The following TRHDE variants were observed in gnomAD, a reference collection of about 807,000 sequenced individuals.
TRHDE encodes thyrotropin-releasing hormone-degrading ectoenzyme.
A neutral mutation model predicts 125.7 loss-of-function variants in TRHDE; 72 were observed. The ratio of observed to expected loss-of-function variants is 0.57; its 90% CI spans 0.47 to 0.70. TRHDE has a LOEUF of 0.70. Among genes scored for constraint, TRHDE ranks in the 30% least tolerant of loss-of-function variants. The probability of loss-of-function intolerance (pLI) is 0.00; values close to 1 mark genes in which losing one functional copy is unlikely to be tolerated. For synonymous variants in TRHDE, 509 were observed against 509.1 expected (o/e 1.00, Z 0.00); for missense variants, 1,110 against 1,327.1 (o/e 0.84, Z 2.54).
rs576764918 is a variant in TRHDE, at chr12:72,095,345, A to G, written n.174+7906A>G. 1.5e-4 allele frequency among the ~76,000 whole-genome samples: 23 copies of G among 152,338 alleles called. No homozygotes were observed. The South Asian group carries it at 3.3e-3, about 22-fold the overall frequency. Reference sequence around the variant, plus strand: ...AATATCCAATTTGGCATTTGAAGCAAGTGTTATAAATATAGACTGTAGAGA... The same window carrying G: ...AATATCCAATTTGGCATTTGAAGCAGGTGTTATAAATATAGACTGTAGAGA... On this transcript the variant is annotated intron_variant and non_coding_transcript_variant, in intron 1 of 4. Transcript: ENST00000548156.
intron 1 of TRHDE, among the ~76,000 whole-genome samples, chr12:72,104,908 C>T (rs535692520): frequency 1.3e-5 from 2 of 152,140 alleles, no homozygotes; most frequent in Non-Finnish European, 2.9e-5. Flanking sequence ...CTCATCTTTG[C>T]CTCTCTCTGT....
chr12:72,632,077 C>T (rs1039117574), intron 15 of TRHDE, among the ~76,000 whole-genome samples: 1 of 151,902 alleles, frequency 6.6e-6, no homozygotes, highest in Non-Finnish European at 1.5e-5. Context: ...TGTTATTTGT[C>T]GAGATGTAGC....
intron 3 of TRHDE, among the ~76,000 whole-genome samples, chr12:72,430,436 TAC>T (rs1172337843): frequency 1.9e-4 from 28 of 147,964 alleles, no homozygotes; most frequent in East Asian, 2.0e-4. Flanking sequence ...TGTATATATA[TAC>T]ACACACGTAT....
At chr12:72,158,659 C>T (rs1566255097) in intron 2 of TRHDE, among the ~76,000 whole-genome samples, 1 of 152,046 alleles carries the variant, frequency 6.6e-6, no homozygotes, top group South Asian at 2.1e-4. Flanking sequence ...TGTTTCAATT[C>T]TTGCTTTGGT....
chr12:72,273,665 C>A lies in TRHDE; in HGVS notation c.914+108C>A. 1 of 1,113,896 alleles carries A rather than the reference C, an allele frequency of 9.0e-7. No individual in the cohort carries two copies. 69.0% of individuals were successfully genotyped at this position (1,113,896 alleles called of 1,614,324 possible). ...AGCTGGCTTCCAATACCCGGGAAGC[C>A]AGGGGTGGGGGGAAGGAAACGAAAG... On this transcript the variant is annotated intron_variant, in intron 1 of 18. Coordinates refer to ENST00000261180, the MANE Select transcript of TRHDE (RefSeq NM_013381.3). The surrounding 1 kb of genome is among the most constrained non-coding windows in gnomAD (Gnocchi z 5.3).
chr12:72,600,277 T>C (rs1014244182), intron 12 of TRHDE, among the ~76,000 whole-genome samples: 3 of 152,130 alleles, frequency 2.0e-5, no homozygotes, highest in African/African-American at 7.2e-5. Flanking sequence ...TAGTTTTTTT[T>C]CTAATTCTGT....
intron 15 of TRHDE, among the ~76,000 whole-genome samples, chr12:72,622,193 A>G (rs1356414722): frequency 1.3e-5 from 2 of 152,108 alleles, no homozygotes; most frequent in African/African-American, 4.8e-5. Flanking sequence ...GGTTATGAAA[A>G]AAAGATCTTT....
chr12:72,380,718 C>CCTTG (rs1872108617), intron 3 of TRHDE, among the ~76,000 whole-genome samples: 1 of 119,296 alleles, frequency 8.4e-6, no homozygotes, highest in South Asian at 2.5e-4. Context: ...TTCCTTCCTT[C>CCTTG]CTTCCTTCCT....
At chr12:72,238,406 A>G (rs1218198093) in intron 2 of TRHDE, among the ~76,000 whole-genome samples, 2 of 138,744 alleles carry the variant, frequency 1.4e-5, no homozygotes, top group Non-Finnish European at 3.1e-5. Context: ...TTTTTGATAA[A>G]TTATACTTTA....
At chr12:72,640,730 T>A (rs1874022801) in intron 15 of TRHDE, among the ~76,000 whole-genome samples, 1 of 152,206 alleles carries the variant, frequency 6.6e-6, no homozygotes, top group Non-Finnish European at 1.5e-5. Flanking sequence ...CTGTTCCTAT[T>A]TGGCCATCTT....
chr12:72,636,049 G>T (rs1216377441), intron 15 of TRHDE, among the ~76,000 whole-genome samples: 1 of 150,886 alleles, frequency 6.6e-6, no homozygotes, highest in Non-Finnish European at 1.5e-5. Context: ...GAAAGTCATT[G>T]GTAGCTTGAT....
At chr12:72,628,973 T>C (rs1259653388) in intron 15 of TRHDE, among the ~76,000 whole-genome samples, 1 of 151,856 alleles carries the variant, frequency 6.6e-6, no homozygotes. Context: ...CATCATGAGA[T>C]AAATGTTTGA....
At chr12:72,353,986 G>T (rs1870702116) in intron 2 of TRHDE, among the ~76,000 whole-genome samples, 1 of 151,514 alleles carries the variant, frequency 6.6e-6, no homozygotes, top group African/African-American at 2.4e-5. Context: ...GCACTTGGAT[G>T]CTTATTACAT....
intron 3 of TRHDE, among the ~76,000 whole-genome samples, chr12:72,399,459 T>A (rs936504701): frequency 6.6e-6 from 1 of 151,644 alleles, no homozygotes; most frequent in Admixed American, 6.6e-5. Flanking sequence ...TATTTAATAA[T>A]AATAAACTAC....
intron 3 of TRHDE, among the ~76,000 whole-genome samples, chr12:72,425,950 G>T (rs184082590): frequency 6.6e-6 from 1 of 151,546 alleles, no homozygotes; most frequent in Admixed American, 6.6e-5. Context: ...AATTACAAAA[G>T]GTCAAAAAAA....
At chr12:72,644,321 C>T (rs1874191127) in intron 15 of TRHDE, among the ~76,000 whole-genome samples, 1 of 152,138 alleles carries the variant, frequency 6.6e-6, no homozygotes, top group African/African-American at 2.4e-5. Flanking sequence ...GAGTATCTTA[C>T]CATTTTCAAG....
At chr12:72,150,122 T>G (rs369836556) in intron 2 of TRHDE, among the ~76,000 whole-genome samples, 1 of 152,154 alleles carries the variant, frequency 6.6e-6, no homozygotes, top group Non-Finnish European at 1.5e-5. Context: ...GGATCTTAAA[T>G]ACTAGAAGGG....
intron 2 of TRHDE, among the ~76,000 whole-genome samples, chr12:72,333,404 A>AG (rs1214329208): frequency 6.6e-6 from 1 of 152,246 alleles, no homozygotes; most frequent in East Asian, 1.9e-4. Context: ...AATTTGGAAT[A>AG]GGAGAGAGTA....
In TRHDE at chr12:72,670,565, A is replaced by T. The variant is rs1875222300; in HGVS notation, c.*7370A>T. ...TTTTTTCACTTGAAAATACATTTTT[A>T]AAATTTTGAGTATATATATTATAGA... On this transcript the variant is annotated 3_prime_UTR_variant, in exon 19 of 19. Transcript: ENST00000261180. 1 of 151,744 alleles carries T rather than the reference A, an allele frequency of 6.6e-6. No homozygotes were observed. Among genetic ancestry groups the T allele is most frequent in the South Asian group, 2.1e-4 (1 of 4,832 alleles). The allele number at this position is 151,744 out of a possible 1,614,324, so 9.4% of individuals were successfully genotyped here. A position where few individuals can be genotyped will look rare whatever the true frequency, so the allele number is the denominator to read the frequency against.
Sources: allele counts gnomAD v4.1 joint callset (sites outside exome capture counted in the v4.1 genomes callset), GRCh38; gene constraint gnomAD v4.1.1; non-coding constraint Gnocchi (gnomAD v3.1); transcripts MANE v1.5; gene names NCBI Gene and HGNC (gene_info 2026-07-23, HGNC 2026-07-21).